The following THOC7 variants were observed in gnomAD, a reference collection of about 807,000 sequenced individuals.
THOC7 encodes NIF3L1-binding protein 1.
THOC7 carries 22 observed loss-of-function variants against 33.1 expected under a neutral mutation model. The observed-to-expected ratio is 0.66, with a 90% CI of 0.47 to 0.95. The LOEUF is 0.95. THOC7 is among the 40% of genes least tolerant of loss of function. The probability of loss-of-function intolerance (pLI) is 0.00; values close to 1 mark genes in which losing one functional copy is unlikely to be tolerated. For synonymous variants in THOC7, 77 were observed against 76.8 expected (o/e 1.00, Z -0.01); for missense variants, 184 against 245.3 (o/e 0.75, Z 1.67).
In THOC7 at chr3:63,837,018, C is replaced by T. The variant is rs187852562; in HGVS notation, c.353-660G>A. On this transcript the variant is annotated intron_variant, in intron 4 of 7. Coordinates refer to ENST00000295899, the MANE Select transcript of THOC7 (RefSeq NM_025075.4). ...GGTATATGTTACTGTAAATAAGGCA[C>T]CAAAACTTCACCATACACATTTTAA... Among the ~76,000 whole-genome samples, 4 of 151,528 alleles carry T rather than the reference C, an allele frequency of 2.6e-5. No individual in the cohort carries two copies. In the East Asian group the frequency reaches 7.7e-4, roughly 29 times the overall value.
intron 1 of THOC7, among the ~76,000 whole-genome samples, chr3:63,853,376 C>T (rs1702054570): frequency 6.6e-6 from 1 of 152,154 alleles, no homozygotes. Context: ...GCACACCTCA[C>T]AGCCAACTGC....
intron 7 of THOC7, among the ~76,000 whole-genome samples, chr3:63,834,443 T>C (rs952631747): frequency 1.3e-5 from 2 of 151,810 alleles, no homozygotes; most frequent in Non-Finnish European, 2.9e-5. Flanking sequence ...GTGGATCACC[T>C]GAGGTCAGGA....
chr3:63,841,956 C>T (rs1226115015), intron 1 of THOC7, among the ~76,000 whole-genome samples: 1 of 152,096 alleles, frequency 6.6e-6, no homozygotes, highest in Non-Finnish European at 1.5e-5. Context: ...ATGCCTGGAT[C>T]TCCAACTGTA....
intron 1 of THOC7, among the ~76,000 whole-genome samples, chr3:63,851,579 C>T (rs1197735889): frequency 6.6e-6 from 1 of 152,180 alleles, no homozygotes; most frequent in African/African-American, 2.4e-5. Context: ...TTTAAATCTT[C>T]CGTGGGTATA....
At chr3:63,838,982 G>C (rs1276179025) in intron 2 of THOC7, among the ~76,000 whole-genome samples, 2 of 152,166 alleles carry the variant, frequency 1.3e-5, no homozygotes, top group African/African-American at 4.8e-5. Context: ...CTTAATGCTA[G>C]AAGTTTGACA....
chr3:63,857,812 T>G lies in THOC7; in HGVS notation c.19+5960A>C, dbSNP rs142879636. ...AGGAAAATAAATGCAAAACATCATG[T>G]TGAGGTCCTTTGTCTTTTCTCTCTA... On this transcript the variant is annotated intron_variant, in intron 1 of 7. Coordinates refer to ENST00000295899, the MANE Select transcript of THOC7 (RefSeq NM_025075.4). Among the ~76,000 whole-genome samples the G allele has an allele frequency of 1.9e-3, 295 of 152,304 alleles. 1 individual carries two copies. The highest frequency in any genetic ancestry group is 6.8e-3 in the African/African-American group (283 of 41,560).
At chr3:63,838,978 G>A (rs1701696527) in intron 2 of THOC7, among the ~76,000 whole-genome samples, 1 of 152,194 alleles carries the variant, frequency 6.6e-6, no homozygotes, top group Non-Finnish European at 1.5e-5. Context: ...ATCACTTAAT[G>A]CTAGAAGTTT....
At chr3:63,840,228 C>G (rs1268587470) in intron 1 of THOC7, among the ~76,000 whole-genome samples, 1 of 151,822 alleles carries the variant, frequency 6.6e-6, no homozygotes, top group African/African-American at 2.4e-5. Context: ...TGTTGAGAAG[C>G]ACTGACAAAA....
chr3:63,841,509 T>C (rs1353914860), intron 1 of THOC7, among the ~76,000 whole-genome samples: 1 of 152,200 alleles, frequency 6.6e-6, no homozygotes, highest in Non-Finnish European at 1.5e-5. Flanking sequence ...GGCAGAAGTA[T>C]TTTTGAGCGC....
chr3:63,843,933 G>GTA (rs1223321753), intron 1 of THOC7, among the ~76,000 whole-genome samples: 4 of 151,860 alleles, frequency 2.6e-5, no homozygotes, highest in Non-Finnish European at 4.4e-5. Context: ...GGATGTGTGT[G>GTA]TATATATATA....
At chr3:63,859,033 G>C (rs1269544435) in intron 1 of THOC7, among the ~76,000 whole-genome samples, 1 of 152,196 alleles carries the variant, frequency 6.6e-6, no homozygotes. Context: ...AAAGACATTG[G>C]CTCTTATGTA....
At chr3:63,862,911 T>TTA (rs753881612) in intron 1 of THOC7, among the ~76,000 whole-genome samples, 19 of 152,106 alleles carry the variant, frequency 1.2e-4, no homozygotes, top group Non-Finnish European at 1.0e-4. Flanking sequence ...ACCATCTCCC[T>TTA]TAGACTGTCC....
At chr3:63,863,682 G>T in intron 1 of THOC7, 90 bp downstream of exon 1, 1 of 1,237,830 alleles carries the variant, frequency 8.1e-7, no homozygotes, top group Non-Finnish European at 1.0e-6. Context: ...AGGCCGAGGG[G>T]TTCCCGGAAG....
chr3:63,838,077 T>G lies in THOC7; in HGVS notation c.266-15A>C. 1 of 1,575,966 alleles carries G rather than the reference T, an allele frequency of 6.3e-7. No homozygotes were observed. Among genetic ancestry groups the G allele is most frequent in the Non-Finnish European group, 8.6e-7 (1 of 1,164,310 alleles). On this transcript the variant is annotated splice_polypyrimidine_tract_variant and intron_variant, in intron 3 of 7. Transcript: ENST00000295899. The stretch of plus-strand genomic sequence containing the variant: ...TATGCTACATTCTATATGAGAAGGT[T>G]TTTTAAAAGATAGTTGTAACAAAAT...
chr3:63,856,892 G>A (rs1354020911), intron 1 of THOC7, among the ~76,000 whole-genome samples: 1 of 152,060 alleles, frequency 6.6e-6, no homozygotes, highest in Non-Finnish European at 1.5e-5. Context: ...TAATTCTTTT[G>A]TATTTTTAGT....
Position 63,855,003 on chromosome 3 carries a change from G to A in THOC7, c.19+8769C>T, listed in dbSNP as rs1348577616. Among the ~76,000 whole-genome samples, 14 of 148,390 alleles carry A rather than the reference G, an allele frequency of 9.4e-5. No homozygotes were observed. The East Asian group carries it at 9.9e-4, about 10-fold the overall frequency. ...AGCCTGGGCGACAGAGCGAGACTCC[G>A]TCTCAAAAAAAAAAAAAAGAAAGAA... On this transcript the variant is annotated intron_variant, in intron 1 of 7. Coordinates refer to ENST00000295899, the MANE Select transcript of THOC7 (RefSeq NM_025075.4).
chr3:63,845,261 A>G (rs1701864038), intron 1 of THOC7, among the ~76,000 whole-genome samples: 1 of 152,118 alleles, frequency 6.6e-6, no homozygotes. Flanking sequence ...ACTTTGGGGT[A>G]CCTAGGGTTA....
chr3:63,858,485 C>G (rs765346630), intron 1 of THOC7, among the ~76,000 whole-genome samples: 7 of 152,070 alleles, frequency 4.6e-5, no homozygotes, highest in Non-Finnish European at 1.0e-4. Context: ...ACCGTCAAAA[C>G]CAGCAAGCTT....
chr3:63,837,108 G>A (rs941796834), intron 4 of THOC7, among the ~76,000 whole-genome samples: 2 of 151,616 alleles, frequency 1.3e-5, no homozygotes, highest in Non-Finnish European at 3.0e-5. Flanking sequence ...ATTAAAAAGT[G>A]AAAATTCATT....
Sources: gnomAD v4.1 joint callset for allele counts (sites outside exome capture counted in the v4.1 genomes callset) on GRCh38, gnomAD v4.1.1 for gene constraint, MANE v1.5 for transcripts, NCBI Gene and HGNC (gene_info 2026-07-23, HGNC 2026-07-21) for gene names.